Variants in IFNAR1 observed in about 807,000 individuals in gnomAD.
The protein encoded by IFNAR1 is interferon alpha/beta receptor 1.
In IFNAR1, 47 loss-of-function variants were observed where a neutral mutation model predicts 62.1. That is an observed-to-expected ratio of 0.76 (90% CI 0.60 to 0.97). IFNAR1 has a LOEUF of 0.97. Ranked by LOEUF, IFNAR1 falls within the 50% of genes least tolerant of loss-of-function variation. IFNAR1 has a pLI of 0.00. For synonymous variants in IFNAR1, 219 were observed against 226.9 expected (o/e 0.97, Z 0.31); for missense variants, 638 against 654.5 (o/e 0.97, Z 0.27).
intron 2 of IFNAR1, among the ~76,000 whole-genome samples, chr21:33,336,677 G>A (rs1266497690): frequency 6.6e-6 from 1 of 151,964 alleles, no homozygotes; most frequent in Non-Finnish European, 1.5e-5. Context: ...CTTGGAATAG[G>A]CCACCAGGTT....
intron 6 of IFNAR1, among the ~76,000 whole-genome samples, chr21:33,347,076 C>T (rs2123256341): frequency 6.6e-6 from 1 of 151,592 alleles, no homozygotes; most frequent in Non-Finnish European, 1.5e-5. Context: ...TTCTAGAGCT[C>T]ATGGTGGCTC....
chr21:33,341,286 C>A lies in IFNAR1; in HGVS notation c.376+112C>A, dbSNP rs112563475. 7.9e-6 allele frequency: 6 copies of A among 758,054 alleles called. No individual in the cohort carries two copies. In the African/African-American group the frequency reaches 1.1e-4, roughly 13 times the overall value. 47.0% of individuals were successfully genotyped at this position (758,054 alleles called of 1,614,324 possible). A position where few individuals can be genotyped will look rare whatever the true frequency, so the allele number is the denominator to read the frequency against. ...AAAATCTAACATCTTTTAAAAAGAA[C>A]AAAAATTCCCTTAAACCTATATCTT... On this transcript the variant is annotated intron_variant, in intron 3 of 10. Transcript: ENST00000270139.
At chr21:33,335,042 C>A in intron 1 of IFNAR1, 1 of 1,306,812 alleles carries the variant, frequency 7.7e-7, no homozygotes, top group Non-Finnish European at 1.1e-6. Flanking sequence ...ATGATGTCAC[C>A]ACAAGGAGTA....
chr21:33,345,635 A>G (rs956057204), intron 6 of IFNAR1, among the ~76,000 whole-genome samples: 5 of 152,214 alleles, frequency 3.3e-5, no homozygotes, highest in Admixed American at 1.3e-4. Flanking sequence ...CTTAAGAAAA[A>G]AAAGAAAGTG....
chr21:33,342,516 CCT>C (rs1363004852), intron 3 of IFNAR1, among the ~76,000 whole-genome samples: 1 of 152,030 alleles, frequency 6.6e-6, no homozygotes, highest in South Asian at 2.1e-4. Flanking sequence ...CCCTGTCAGC[CCT>C]CTCCATTCAA....
intron 1 of IFNAR1, among the ~76,000 whole-genome samples, chr21:33,325,844 C>T (rs1475502625): frequency 1.3e-5 from 2 of 152,138 alleles, no homozygotes; most frequent in Non-Finnish European, 2.9e-5. Context: ...ATGCAGATGC[C>T]TCTGGGTAGA....
In IFNAR1 at chr21:33,343,520, A is replaced by G. The variant is rs780080317; in HGVS notation, c.532-15A>G. On this transcript the variant is annotated splice_polypyrimidine_tract_variant and intron_variant, in intron 4 of 10. Transcript: ENST00000270139. ...TTATACTTTTTTAAAGAACCAACTTATATTTGTGTTATAGGAAAGGATTGA... is the reference window on the plus strand; with the variant it reads ...TTATACTTTTTTAAAGAACCAACTTGTATTTGTGTTATAGGAAAGGATTGA... 1.3e-6 allele frequency: 2 copies of G among 1,532,216 alleles called. No homozygotes were observed. Among genetic ancestry groups the G allele is most frequent in the East Asian group, 4.5e-5 (2 of 44,394 alleles). The allele number at this position is 1,532,216 out of a possible 1,614,324, so 94.9% of individuals were successfully genotyped here.
At chr21:33,350,525 A>G (rs1471885942) in intron 8 of IFNAR1, among the ~76,000 whole-genome samples, 2 of 152,210 alleles carry the variant, frequency 1.3e-5, no homozygotes, top group African/African-American at 4.8e-5. Context: ...TAATGAAAAA[A>G]GGGTTGACAA....
chr21:33,324,815 C>T, upstream of IFNAR1: 2 of 559,202 alleles, frequency 3.6e-6, no homozygotes, highest in East Asian at 5.9e-5. Flanking sequence ...TAGGATGGGG[C>T]AATGGGAGCT....
intron 9 of IFNAR1, 101 bp from the exon 10 acceptor site, chr21:33,353,537 T>G: frequency 1.6e-6 from 1 of 635,430 alleles, no homozygotes; most frequent in Non-Finnish European, 2.7e-6. Flanking sequence ...TTAATAGATT[T>G]TATATTTCCT....
chr21:33,333,997 C>A (rs2083208290), intron 1 of IFNAR1, among the ~76,000 whole-genome samples: 1 of 151,966 alleles, frequency 6.6e-6, no homozygotes, highest in African/African-American at 2.4e-5. Flanking sequence ...TTATTCCAAG[C>A]AAATGGAAAC....
intron 2 of IFNAR1, among the ~76,000 whole-genome samples, chr21:33,339,183 A>G (rs1388702305): frequency 6.6e-6 from 1 of 152,218 alleles, no homozygotes; most frequent in African/African-American, 2.4e-5. Context: ...GGTTGAAATT[A>G]TATTAAGTTT....
Position 33,335,529 on chromosome 21 carries a change from A to C in IFNAR1, c.82A>C (p.Lys28Gln). The change falls in exon 2 of 11, where the codon AAA (lysine) becomes CAA (glutamine). Residue 28 changes from lysine to glutamine, a missense_variant. Physicochemically the swap from Lys to Gln is moderately conservative, Grantham distance 53 (BLOSUM62 1). Transcript: ENST00000270139. ...ATTTCTTGTTGCTTTTATAGGTGGA[A>C]AAAATCTAAAATCTCCTCAAAAAGT... ...PWVLSAAAGG[K>Q]NLKSPQKVEV... 1 of 1,586,044 alleles carries C rather than the reference A, an allele frequency of 6.3e-7. No individual in the cohort carries two copies. The highest frequency in any genetic ancestry group is 8.6e-7 in the Non-Finnish European group (1 of 1,160,206).
Position 33,355,483 on chromosome 21 carries a change from A to G in IFNAR1, c.1608A>G (p.Gly536=), listed in dbSNP as rs1317172117. The change falls in exon 11 of 11, where the codon GGA becomes GGG. Residue 536 remains glycine (G), a synonymous_variant. Coordinates refer to ENST00000270139, the MANE Select transcript of IFNAR1 (RefSeq NM_000629.3). ...KYSSQTSQDS[G]NYSNEDESES... Reference sequence around the variant, plus strand: ...GTTCCCAAACTAGCCAAGATTCAGGAAATTATTCTAATGAAGATGAAAGCG... The same window carrying G: ...GTTCCCAAACTAGCCAAGATTCAGGGAATTATTCTAATGAAGATGAAAGCG... 6.2e-7 allele frequency: 1 copy of G among 1,607,002 alleles called. No homozygotes were observed. Among genetic ancestry groups the G allele is most frequent in the Admixed American group, 1.7e-5 (1 of 58,074 alleles).
chr21:33,353,727 A>G lies in IFNAR1; in HGVS notation c.1384A>G (p.Arg462Gly). 6.3e-7 allele frequency: 1 copy of G among 1,591,066 alleles called. No individual in the cohort carries two copies. Among genetic ancestry groups the G allele is most frequent in the Non-Finnish European group, 8.5e-7 (1 of 1,170,184 alleles). The change falls in exon 10 of 11, where the codon AGA becomes GGA. Residue 462 changes from arginine (R) to glycine (G), a missense_variant. Coordinates refer to ENST00000270139, the MANE Select transcript of IFNAR1 (RefSeq NM_000629.3). ...CATTTATGCTGCGAAAGTCTTCTTG[A>G]GATGCATCAATTATGTCTTCTTTCC... ...FVIYAAKVFL[R>G]CINYVFFPSL... is the part of the protein sequence containing the mutation.
At chr21:33,336,192 C>A (rs936368884) in intron 2 of IFNAR1, among the ~76,000 whole-genome samples, 1 of 138,228 alleles carries the variant, frequency 7.2e-6, no homozygotes, top group African/African-American at 2.7e-5. Context: ...TTTGTTCTTG[C>A]GATAGTTTAC....
chr21:33,353,262 G>T (rs1439590181), intron 9 of IFNAR1, among the ~76,000 whole-genome samples: 1 of 152,124 alleles, frequency 6.6e-6, no homozygotes, highest in African/African-American at 2.4e-5. Flanking sequence ...GTTTTTTAAT[G>T]TGGGAATTGG....
At chr21:33,353,902 G>C in intron 10 of IFNAR1, 119 bp downstream of exon 10, 2 of 649,150 alleles carry the variant, frequency 3.1e-6, no homozygotes, top group Non-Finnish European at 5.2e-6. Flanking sequence ...GACTGATTTG[G>C]GTATCTTCTT....
At chr21:33,324,927 G>C, upstream of IFNAR1, 1 of 719,152 alleles carries the variant, frequency 1.4e-6, no homozygotes, top group South Asian at 1.7e-5. Flanking sequence ...CGTGCGTAGA[G>C]GGGCGGTGAG....
Sources: allele counts gnomAD v4.1 joint callset (sites outside exome capture counted in the v4.1 genomes callset), GRCh38; gene constraint gnomAD v4.1.1; transcripts MANE v1.5; gene names NCBI Gene and HGNC (gene_info 2026-07-23, HGNC 2026-07-21).